Variants in AK5 observed in about 807,000 individuals in gnomAD.
AK5 encodes the protein adenylate kinase 5, also known as adenylate kinase isoenzyme 5.
AK5 carries 27 observed loss-of-function variants against 69.5 expected under a neutral mutation model. The ratio of observed to expected loss-of-function variants is 0.39; its 90% CI spans 0.29 to 0.54. The LOEUF is 0.54. Ranked by LOEUF, AK5 falls within the 20% of genes least tolerant of loss-of-function variation. AK5 has a pLI of 0.71. For synonymous variants in AK5, 260 were observed against 244.4 expected (o/e 1.06, Z -0.60); for missense variants, 531 against 700.4 (o/e 0.76, Z 2.73).
intron 13 of AK5, among the ~76,000 whole-genome samples, chr1:77,550,095 G>T (rs1352857746): frequency 6.6e-6 from 1 of 152,106 alleles, no homozygotes. Flanking sequence ...CAGTAGCTAG[G>T]ACTACTGGCA....
At chr1:77,283,420 G>T (rs1013579900) in intron 1 of AK5, 1 of 984,384 alleles carries the variant, frequency 1.0e-6, no homozygotes. Context: ...TAAACTAAAG[G>T]TCATGAGGGT....
At chr1:77,481,141 T>G (rs1047766436) in intron 8 of AK5, among the ~76,000 whole-genome samples, 1 of 152,212 alleles carries the variant, frequency 6.6e-6, no homozygotes, top group Non-Finnish European at 1.5e-5. Flanking sequence ...GCCCCTACAC[T>G]GATGAGACCA....
chr1:77,395,036 G>T (rs1355505883), intron 6 of AK5, among the ~76,000 whole-genome samples: 2 of 145,740 alleles, frequency 1.4e-5, no homozygotes, highest in East Asian at 4.5e-4. Flanking sequence ...TCCCTCATTT[G>T]TTCCTGCAGT....
At chr1:77,540,320 C>T (rs1659198764) in intron 13 of AK5, among the ~76,000 whole-genome samples, 3 of 152,246 alleles carry the variant, frequency 2.0e-5, no homozygotes, top group South Asian at 4.1e-4. Flanking sequence ...TTCTCCCTCT[C>T]ATAAAGCAGA....
At chr1:77,450,904 A>G (rs1005425130) in intron 8 of AK5, among the ~76,000 whole-genome samples, 10 of 152,218 alleles carry the variant, frequency 6.6e-5, no homozygotes, top group African/African-American at 2.2e-4. Flanking sequence ...AAGCTGGTGC[A>G]GTGGTTCACA....
chr1:77,520,942 G>GT (rs1173306855), intron 11 of AK5, among the ~76,000 whole-genome samples: 1 of 152,100 alleles, frequency 6.6e-6, no homozygotes, highest in African/African-American at 2.4e-5. Flanking sequence ...AGCTGATTGC[G>GT]TTTTTCCTCT....
chr1:77,326,975 A>G (rs1280768027), intron 5 of AK5, among the ~76,000 whole-genome samples: 1 of 152,234 alleles, frequency 6.6e-6, no homozygotes, highest in African/African-American at 2.4e-5. Context: ...AATATACGTC[A>G]GGATTGTGTT....
chr1:77,558,916 C>T lies in AK5; in HGVS notation c.*246C>T, dbSNP rs1183808985. 9 of 465,740 alleles carry T rather than the reference C, an allele frequency of 1.9e-5. No homozygotes were observed. Among genetic ancestry groups the T allele is most frequent in the East Asian group, 3.7e-5 (1 of 26,678 alleles). The allele number at this position is 465,740 out of a possible 1,614,324, so 28.9% of individuals were successfully genotyped here. On this transcript the variant is annotated 3_prime_UTR_variant, in exon 14 of 14. Coordinates refer to ENST00000354567, the MANE Select transcript of AK5 (RefSeq NM_174858.3). ...CAGACAACTGTCTGCACTCACGGCA[C>T]ACACACTTTGTATCATGCAGGCCAC...
At chr1:77,307,246 C>T (rs1659691878) in intron 5 of AK5, among the ~76,000 whole-genome samples, 2 of 146,546 alleles carry the variant, frequency 1.4e-5, no homozygotes, top group South Asian at 4.2e-4. Flanking sequence ...CTATAAACTT[C>T]CTTCTTAATA....
intron 10 of AK5, among the ~76,000 whole-genome samples, chr1:77,506,207 G>A (rs1657012692): frequency 6.9e-6 from 1 of 144,086 alleles, no homozygotes; most frequent in African/African-American, 2.6e-5. Context: ...AAGAAACAAA[G>A]GATCGGTGTT....
chr1:77,505,396 A>C (rs1656965859), intron 10 of AK5, among the ~76,000 whole-genome samples: 1 of 152,240 alleles, frequency 6.6e-6, no homozygotes, highest in Non-Finnish European at 1.5e-5. Context: ...CCCAAAGAAA[A>C]CCAAACTAGA....
At chr1:77,548,898 C>CTTTTTTTTTTTTTTTTT in intron 13 of AK5, among the ~76,000 whole-genome samples, 1 of 87,892 alleles carries the variant, frequency 1.1e-5, no homozygotes, top group Non-Finnish European at 2.2e-5. Flanking sequence ...TTGCTTTTAG[C>CTTTTTTTTTTTTTTTTT]TTTTTTTTTT....
intron 6 of AK5, among the ~76,000 whole-genome samples, chr1:77,342,560 G>A (rs1204245538): frequency 6.6e-6 from 1 of 152,170 alleles, no homozygotes; most frequent in Non-Finnish European, 1.5e-5. Flanking sequence ...GCCTAGTAAA[G>A]TCGCCTTTTG....
At chr1:77,283,278 T>A (rs1658165462) in intron 1 of AK5, 1 of 985,306 alleles carries the variant, frequency 1.0e-6, no homozygotes, top group Non-Finnish European at 1.2e-6. Flanking sequence ...TCTCAAGTGC[T>A]TTTGCTTGAA....
At chr1:77,367,588 G>A (rs1201794794) in intron 6 of AK5, among the ~76,000 whole-genome samples, 372 of 30,586 alleles carry the variant, frequency 0.012, 6 homozygotes, top group Middle Eastern at 0.056. Flanking sequence ...TAATATATAT[G>A]TTATATATGT....
chr1:77,340,356 A>G, intron 5 of AK5, 21 bp from the exon 6 acceptor site: 3 of 1,602,476 alleles, frequency 1.9e-6, no homozygotes, highest in Non-Finnish European at 2.6e-6. Flanking sequence ...ATGCCTCTCT[A>G]TTTGTTGATG....
At chr1:77,368,347 A>C (rs1647057262) in intron 6 of AK5, among the ~76,000 whole-genome samples, 1 of 128,086 alleles carries the variant, frequency 7.8e-6, no homozygotes, top group Non-Finnish European at 1.6e-5. Flanking sequence ...TGTTATATAT[A>C]TATGTTGTGT....
intron 6 of AK5, among the ~76,000 whole-genome samples, chr1:77,381,093 C>A (rs191224301): frequency 6.6e-6 from 1 of 152,026 alleles, no homozygotes; most frequent in Non-Finnish European, 1.5e-5. Context: ...GTTTGTGTTC[C>A]CCCCCGAATT....
intron 10 of AK5, among the ~76,000 whole-genome samples, chr1:77,504,484 T>C (rs542013839): frequency 2.6e-5 from 4 of 152,050 alleles, no homozygotes; most frequent in Admixed American, 6.5e-5. Context: ...GATCATATAA[T>C]TTAAAAACCT....
Sources: allele counts gnomAD v4.1 joint callset (sites outside exome capture counted in the v4.1 genomes callset), GRCh38; gene constraint gnomAD v4.1.1; transcripts MANE v1.5; gene names NCBI Gene and HGNC (gene_info 2026-07-23, HGNC 2026-07-21).